Variants in STAG1 observed in about 807,000 individuals in gnomAD.
STAG1 encodes STAG1 cohesin complex component, also known as cohesin subunit SA-1.
A neutral mutation model predicts 170.9 loss-of-function variants in STAG1; 26 were observed. That is an observed-to-expected ratio of 0.15 (90% CI 0.11 to 0.21). The LOEUF (loss-of-function observed/expected upper bound fraction) is 0.21. STAG1 is among the 10% of genes least tolerant of loss of function. STAG1 has a pLI of 1.00. For synonymous variants in STAG1, 514 were observed against 497.7 expected (o/e 1.03, Z -0.44); for missense variants, 964 against 1,509.5 (o/e 0.64, Z 5.99).
intron 22 of STAG1, among the ~76,000 whole-genome samples, chr3:136,385,208 G>C (rs1193121067): frequency 1.3e-5 from 2 of 152,162 alleles, no homozygotes; most frequent in Non-Finnish European, 2.9e-5. Context: ...CAGTACTTTG[G>C]GAGGGGGAGG....
intron 7 of STAG1, among the ~76,000 whole-genome samples, chr3:136,516,766 A>G (rs1471223490): frequency 6.6e-6 from 1 of 152,244 alleles, no homozygotes; most frequent in Non-Finnish European, 1.5e-5. Flanking sequence ...CTAAATGCCA[A>G]GCATTGTCCC....
intron 32 of STAG1, among the ~76,000 whole-genome samples, chr3:136,339,109 TAAGAA>T (rs1412904628): frequency 6.6e-6 from 1 of 151,998 alleles, no homozygotes; most frequent in Non-Finnish European, 1.5e-5. Context: ...GGGGCCCTGA[TAAGAA>T]GAGGAGAGAC....
At chr3:136,570,674 G>A (rs983323016) in intron 4 of STAG1, among the ~76,000 whole-genome samples, 1 of 152,212 alleles carries the variant, frequency 6.6e-6, no homozygotes. Flanking sequence ...AGCAAGATGT[G>A]AGATTTTCAG....
At chr3:136,409,420 T>C (rs956651899) in intron 21 of STAG1, among the ~76,000 whole-genome samples, 10 of 152,166 alleles carry the variant, frequency 6.6e-5, no homozygotes, top group African/African-American at 2.4e-4. Flanking sequence ...CACTGCAACC[T>C]CTGCCTCCCA....
chr3:136,501,122 ATCAT>A (rs575183892), intron 8 of STAG1, among the ~76,000 whole-genome samples: 21 of 152,332 alleles, frequency 1.4e-4, no homozygotes, highest in Middle Eastern at 3.4e-3. Context: ...TTATTGCAAA[ATCAT>A]TCAAATTTCT....
At chr3:136,564,373 TC>T (rs200477789) in intron 5 of STAG1, among the ~76,000 whole-genome samples, 1 of 152,098 alleles carries the variant, frequency 6.6e-6, no homozygotes, top group African/African-American at 2.4e-5. Flanking sequence ...GTGTCTGCTT[TC>T]CCCCGCCACA....
At chr3:136,677,263 T>C (rs1942154699) in intron 1 of STAG1, among the ~76,000 whole-genome samples, 1 of 152,148 alleles carries the variant, frequency 6.6e-6, no homozygotes, top group Non-Finnish European at 1.5e-5. Context: ...TATACCAGCA[T>C]CACCACAAAC....
chr3:136,568,721 G>A lies in STAG1; in HGVS notation c.394+44C>T, dbSNP rs762613116. 4.3e-6 allele frequency: 6 copies of A among 1,404,810 alleles called. No homozygotes were observed. The South Asian group carries it at 7.1e-5, about 17-fold the overall frequency. 87.0% of individuals were successfully genotyped at this position (1,404,810 alleles called of 1,614,324 possible). ...AGGTGAAGTAAAAGTCACACTGCTG[G>A]ACTGACAGGCTCAATGTACATCATT... On this transcript the variant is annotated intron_variant, in intron 5 of 33. Coordinates refer to ENST00000383202, the MANE Select transcript of STAG1 (RefSeq NM_005862.3).
chr3:136,357,199 C>T (rs1295692150), intron 28 of STAG1, among the ~76,000 whole-genome samples: 10 of 152,092 alleles, frequency 6.6e-5, no homozygotes, highest in African/African-American at 1.9e-4. Flanking sequence ...CCGCCCGTCT[C>T]GGCCTCCCAA....
chr3:136,675,287 C>T (rs970039095), intron 1 of STAG1, among the ~76,000 whole-genome samples: 2 of 152,174 alleles, frequency 1.3e-5, no homozygotes, highest in Admixed American at 1.3e-4. Flanking sequence ...GTCAATGTTG[C>T]TTCCCTGTCC....
chr3:136,582,964 TTC>T (rs1285382552), intron 4 of STAG1, among the ~76,000 whole-genome samples: 2 of 152,262 alleles, frequency 1.3e-5, no homozygotes, highest in East Asian at 1.9e-4. Context: ...ACCTTTATTT[TTC>T]TCTTTGTGCA....
intron 2 of STAG1, among the ~76,000 whole-genome samples, chr3:136,626,321 G>A: frequency 6.6e-6 from 1 of 150,934 alleles, no homozygotes; most frequent in Non-Finnish European, 1.5e-5. Context: ...AGCTACTTGG[G>A]AGGCTGAGGC....
At chr3:136,638,837 G>C (rs1940683580) in intron 1 of STAG1, among the ~76,000 whole-genome samples, 1 of 152,122 alleles carries the variant, frequency 6.6e-6, no homozygotes, top group Non-Finnish European at 1.5e-5. Flanking sequence ...AGGAGGCGGA[G>C]GCTGCAGTGA....
rs2108286877 is a variant in STAG1 at position 136,363,400 on chromosome 3, T to C, written c.2753A>G (p.Gln918Arg). ...LSKTRQIDKI[Q>R]CAKTLILSLQ... ...ACTGAGAATGAGAGTCTTGGCACACTGAATTTTATCAATCTGCCTGGTTTT... is the reference window on the plus strand; with the variant it reads ...ACTGAGAATGAGAGTCTTGGCACACCGAATTTTATCAATCTGCCTGGTTTT... Residue 918 changes from glutamine to arginine, a missense_variant, in exon 26 of 34, where the codon CAG (glutamine) becomes CGG (arginine). Physicochemically the swap from Gln to Arg is conservative, Grantham distance 43. Transcript: ENST00000383202. The C allele has an allele frequency of 6.2e-7, 1 of 1,607,150 alleles. No homozygotes were observed. Among genetic ancestry groups the C allele is most frequent in the Non-Finnish European group, 8.5e-7 (1 of 1,174,958 alleles).
At chr3:136,381,380 G>T (rs1362673329) in intron 22 of STAG1, among the ~76,000 whole-genome samples, 1 of 152,066 alleles carries the variant, frequency 6.6e-6, no homozygotes, top group Non-Finnish European at 1.5e-5. Context: ...AAAACCAGGG[G>T]AATATGATAT....
Position 136,337,884 on chromosome 3 carries a change from ATGT to A in STAG1, c.*367_*369del, listed in dbSNP as rs1935759667. The stretch of plus-strand genomic sequence containing the variant: ...ACAACAGGAAAATAAAGTTAAAAAT[ATGT>A]TTTTTTTTACTCAATGTTGAGTTTT... On this transcript the variant is annotated 3_prime_UTR_variant, in exon 34 of 34. Transcript: ENST00000383202. 5.6e-6 allele frequency: 1 copy of A among 177,538 alleles called. No homozygotes were observed. The highest frequency in any genetic ancestry group is 1.2e-5 in the Non-Finnish European group (1 of 85,088). 11.0% of individuals were successfully genotyped at this position (177,538 alleles called of 1,614,324 possible).
intron 1 of STAG1, among the ~76,000 whole-genome samples, chr3:136,689,706 TCTTA>T (rs1487037131): frequency 4.6e-5 from 7 of 152,160 alleles, no homozygotes; most frequent in African/African-American, 1.7e-4. Flanking sequence ...TAGCAGCATT[TCTTA>T]CAGCATTATC....
rs553445871 is a variant in STAG1 at position 136,530,637 on chromosome 3, T to G, written c.472-9220A>C. On this transcript the variant is annotated intron_variant, in intron 6 of 33. Transcript: ENST00000383202. ...AAACTCTGAAAACCTTACAAATACA[T>G]GAAAATTAAAAAACACACTCTTGAA... is the stretch of plus-strand genomic sequence containing the variant. Among the ~76,000 whole-genome samples, 9 of 151,862 alleles carry G rather than the reference T, an allele frequency of 5.9e-5. No individual in the cohort carries two copies. The East Asian group carries it at 1.7e-3, about 29-fold the overall frequency.
intron 5 of STAG1, among the ~76,000 whole-genome samples, chr3:136,552,151 T>C (rs1936432924): frequency 6.6e-6 from 1 of 152,136 alleles, no homozygotes; most frequent in African/African-American, 2.4e-5. Flanking sequence ...TAATAAGCAA[T>C]TGAAATCTTC....
Sources: allele counts gnomAD v4.1 joint callset (sites outside exome capture counted in the v4.1 genomes callset), GRCh38; gene constraint gnomAD v4.1.1; transcripts MANE v1.5; gene names NCBI Gene and HGNC (gene_info 2026-07-23, HGNC 2026-07-21).